The following GALNT16 variants were observed in gnomAD, a reference collection of about 807,000 sequenced individuals.
The protein encoded by GALNT16 is polypeptide N-acetylgalactosaminyltransferase 16.
A neutral mutation model predicts 76.1 loss-of-function variants in GALNT16; 40 were observed. The observed-to-expected ratio is 0.53, with a 90% CI of 0.41 to 0.68. The LOEUF (loss-of-function observed/expected upper bound fraction) is 0.68, where lower values mean the gene tolerates loss of function less well. GALNT16 is among the 30% of genes least tolerant of loss of function. GALNT16 has a pLI of 0.00. For missense variants in GALNT16, 621 were observed against 731.9 expected (o/e 0.85, Z 1.75); for synonymous variants, 276 against 285.2 (o/e 0.97, Z 0.32).
chr14:69,356,543 A>T (rs1187744375), downstream of GALNT16: 1 of 121,072 alleles, frequency 8.3e-6, no homozygotes, highest in Non-Finnish European at 1.7e-5. Flanking sequence ...GCCATTTGCC[A>T]GCTGTGAGCT....
In GALNT16 at chr14:69,339,615, G is replaced by A. The variant is rs752674363; in HGVS notation, c.1183G>A (p.Gly395Ser). ...ARPSAIGKAF[G>S]SVATRIEQRK... ...GCCCTCGGCCATCGGGAAGGCCTTC[G>A]GCAGGTGGGCCCCCCCAGCTCCACT... The change falls in exon 11 of 15, where the codon GGC (glycine) becomes AGC (serine). Residue 395 changes from glycine to serine, a missense_variant. Physicochemically the swap from Gly to Ser is moderately conservative, Grantham distance 56. Transcript: ENST00000448469. 8.8e-6 allele frequency: 14 copies of A among 1,587,878 alleles called. No homozygotes were observed. The highest frequency in any genetic ancestry group is 6.7e-5 in the African/African-American group (5 of 74,282).
chr14:69,363,428 G>A, the GALNT16 span, among the ~76,000 whole-genome samples: 1 of 152,180 alleles, frequency 6.6e-6, no homozygotes, highest in African/African-American at 2.4e-5. Context: ...CTTCCTAGCT[G>A]GGCAACCTGC....
At chr14:69,309,146 T>G (rs1248367307) in intron 1 of GALNT16, among the ~76,000 whole-genome samples, 2 of 152,124 alleles carry the variant, frequency 1.3e-5, no homozygotes, top group Non-Finnish European at 2.9e-5. Flanking sequence ...TTTTAACATG[T>G]ACTTATATTT....
At chr14:69,265,108 G>A (rs1347917258) in intron 1 of GALNT16, among the ~76,000 whole-genome samples, 2 of 152,014 alleles carry the variant, frequency 1.3e-5, no homozygotes, top group African/African-American at 2.4e-5. Flanking sequence ...GAGCCACTGC[G>A]CCCAGCCAAA....
chr14:69,275,652 T>C (rs897238528), intron 1 of GALNT16, among the ~76,000 whole-genome samples: 11 of 152,118 alleles, frequency 7.2e-5, no homozygotes, highest in African/African-American at 2.7e-4. Flanking sequence ...AGCTTAGGAG[T>C]TTGAGACCAG....
At chr14:69,377,500 A>C in the GALNT16 span, among the ~76,000 whole-genome samples, 1 of 152,130 alleles carries the variant, frequency 6.6e-6, no homozygotes, top group Admixed American at 6.5e-5. Context: ...CATATAAATT[A>C]ATATTTCTTC....
intron 14 of GALNT16, chr14:69,351,742 G>A (rs117409115): frequency 0.016 from 4,351 of 277,060 alleles, 59 homozygotes; most frequent in Non-Finnish European, 0.02. Flanking sequence ...GCAAGACCCA[G>A]TCTCTGCAAA....
chr14:69,365,320 G>A, the GALNT16 span, among the ~76,000 whole-genome samples: 3 of 152,138 alleles, frequency 2.0e-5, no homozygotes, highest in Admixed American at 2.0e-4. Flanking sequence ...TGACAGTGGA[G>A]TATTGAACCA....
rs1194777631 is a variant in GALNT16, at chr14:69,352,336, G to A, written c.*168G>A. On this transcript the variant is annotated 3_prime_UTR_variant, in exon 15 of 15. Transcript: ENST00000448469. ...TCTCCAAAGCTTGTTCTAGGAGGGC[G>A]CAGGCGGGCACGCCCCGATGCCCTC... 4.0e-5 allele frequency: 27 copies of A among 668,216 alleles called. No homozygotes were observed. The highest frequency in any genetic ancestry group is 6.2e-5 in the Non-Finnish European group (25 of 403,190). The allele number at this position is 668,216 out of a possible 1,614,324, so 41.4% of individuals were successfully genotyped here. A position where few individuals can be genotyped will look rare whatever the true frequency, so the allele number is the denominator to read the frequency against.
chr14:69,289,645 C>T (rs928865076), intron 1 of GALNT16, among the ~76,000 whole-genome samples: 2 of 152,072 alleles, frequency 1.3e-5, no homozygotes, highest in Non-Finnish European at 2.9e-5. Flanking sequence ...CAGGAGTCTT[C>T]CTGGAAGGAA....
At chr14:69,300,233 CAT>C (rs1162600284) in intron 1 of GALNT16, among the ~76,000 whole-genome samples, 1 of 152,234 alleles carries the variant, frequency 6.6e-6, no homozygotes, top group Non-Finnish European at 1.5e-5. Context: ...CGCACACACA[CAT>C]GTGCTCTGAT....
rs372678032 is a variant in GALNT16 at position 69,294,874 on chromosome 14, G to A, written c.178-25837G>A. 3.3e-4 allele frequency among the ~76,000 whole-genome samples: 50 copies of A among 152,242 alleles called. No individual in the cohort carries two copies. The South Asian group carries it at 1.0e-2, about 30-fold the overall frequency. ...GCGGGGATTTCAGGCACAGGACACCGCGCTGGCTCACATGATATTTTTGAG... is the reference window on the plus strand; with the variant it reads ...GCGGGGATTTCAGGCACAGGACACCACGCTGGCTCACATGATATTTTTGAG... On this transcript the variant is annotated intron_variant, in intron 1 of 14. Coordinates refer to ENST00000448469, the MANE Select transcript of GALNT16 (RefSeq NM_001168368.2).
intron 1 of GALNT16, among the ~76,000 whole-genome samples, chr14:69,281,174 G>A (rs528784672): frequency 6.6e-6 from 1 of 152,306 alleles, no homozygotes; most frequent in African/African-American, 2.4e-5. Flanking sequence ...AGCACCTGGG[G>A]ACTCTGCAGT....
intron 2 of GALNT16, among the ~76,000 whole-genome samples, chr14:69,322,881 G>C (rs1303450): frequency 0.51 from 76,566 of 149,434 alleles, 20,648 homozygotes; most frequent in African/African-American, 0.69. Context: ...CCAGAGTAAG[G>C]CTCCGTCTCA....
intron 6 of GALNT16, 126 bp downstream of exon 6, chr14:69,328,697 C>A (rs2045316861): frequency 1.1e-6 from 1 of 886,392 alleles, no homozygotes; most frequent in Non-Finnish European, 1.7e-6. Flanking sequence ...TAGTCTACTT[C>A]CCCCTGAGTG....
At chr14:69,264,711 G>C (rs2044317267) in intron 1 of GALNT16, among the ~76,000 whole-genome samples, 1 of 152,068 alleles carries the variant, frequency 6.6e-6, no homozygotes, top group African/African-American at 2.4e-5. Flanking sequence ...ACTTGAGAAA[G>C]AGAGTGAGGA....
In GALNT16 at chr14:69,286,879, A is replaced by G. The variant is rs575388290; in HGVS notation, c.177+26412A>G. Among the ~76,000 whole-genome samples the G allele has an allele frequency of 1.3e-4, 20 of 152,272 alleles. No homozygotes were observed. The South Asian group carries it at 4.1e-3, about 32-fold the overall frequency. The stretch of plus-strand genomic sequence containing the variant: ...TGAAAAATTTTATAATAAAATGTCG[A>G]TGTTTTAATAAAAAAAAGAAAGGGA... On this transcript the variant is annotated intron_variant, in intron 1 of 14. Coordinates refer to ENST00000448469, the MANE Select transcript of GALNT16 (RefSeq NM_001168368.2).
At chr14:69,307,076 G>A (rs1475022764) in intron 1 of GALNT16, among the ~76,000 whole-genome samples, 1 of 152,048 alleles carries the variant, frequency 6.6e-6, no homozygotes, top group African/African-American at 2.4e-5. Context: ...GAACTACCAG[G>A]GGAACTCACA....
intron 2 of GALNT16, among the ~76,000 whole-genome samples, chr14:69,321,908 G>A (rs1042336076): frequency 2.0e-5 from 3 of 152,246 alleles, no homozygotes; most frequent in African/African-American, 7.2e-5. Context: ...GTCTGGTCCT[G>A]GCTTGAGGGT....
Sources: allele counts gnomAD v4.1 joint callset (sites outside exome capture counted in the v4.1 genomes callset), GRCh38; gene constraint gnomAD v4.1.1; transcripts MANE v1.5; gene names NCBI Gene and HGNC (gene_info 2026-07-23, HGNC 2026-07-21).